EAPP: variants seen among roughly 807,000 people sequenced by gnomAD.
The protein encoded by EAPP is E2F-associated phosphoprotein.
A neutral mutation model predicts 34.3 loss-of-function variants in EAPP; 38 were observed. The observed-to-expected ratio is 1.11, with a 90% confidence interval of 0.85 to 1.45. The LOEUF (loss-of-function observed/expected upper bound fraction) is 1.45, where lower values mean the gene tolerates loss of function less well. Ranked by LOEUF, EAPP falls within the 40% of genes most tolerant of loss-of-function variation. The pLI is 0.00. For synonymous variants in EAPP, 113 were observed against 117.6 expected, an observed-to-expected ratio of 0.96 and a Z score of 0.25; for missense variants, 338 against 343.7, an observed-to-expected ratio of 0.98 and a Z score of 0.13.
Position 34,516,023 on chromosome 14 carries a change from C to A in EAPP, c.*287G>T, listed in dbSNP as rs1879707188. 6.6e-6 allele frequency: 2 copies of A among 302,544 alleles called. No homozygotes were observed. Among genetic ancestry groups the A allele is most frequent in the Non-Finnish European group, 6.1e-6 (1 of 164,864 alleles). The allele number at this position is 302,544 out of a possible 1,614,324, so 18.7% of individuals were successfully genotyped here. ...CAGAAACAAAGATTGCTTATAATTC[C>A]AGAACATTTTAATTCTACAGAGCTT... On this transcript the variant is annotated 3_prime_UTR_variant, in exon 6 of 6. Transcript: ENST00000250454.
intron 1 of EAPP, 161 bp downstream of exon 1, chr14:34,539,394 C>T: frequency 2.6e-6 from 2 of 778,532 alleles, no homozygotes; most frequent in Non-Finnish European, 4.4e-6. Flanking sequence ...CGGGACTGCG[C>T]GACCCCATCA....
chr14:34,516,577 T>A lies in EAPP; in HGVS notation c.591A>T (p.Ser197=), dbSNP rs762573321. 9 of 1,611,520 alleles carry A rather than the reference T, an allele frequency of 5.6e-6. No individual in the cohort carries two copies. Among genetic ancestry groups the A allele is most frequent in the Admixed American group, 1.7e-5 (1 of 59,486 alleles). ...TLCLDCQRHE[S]YKTQYRAMFV... is the part of the protein sequence containing the mutation. ...ACATTGCTCTATATTGAGTTTTGTATGATTCATGCCTAAGAGAAAAATGAA... is the reference window on the plus strand; with the variant it reads ...ACATTGCTCTATATTGAGTTTTGTAAGATTCATGCCTAAGAGAAAAATGAA... The change falls in exon 6 of 6, where the codon TCA becomes TCT. Residue 197 remains serine, a synonymous_variant. Coordinates refer to ENST00000250454, the MANE Select transcript of EAPP (RefSeq NM_018453.4).
At chr14:34,516,656 T>C in intron 5 of EAPP, 70 bp from the exon 6 acceptor site, 1 of 1,475,116 alleles carries the variant, frequency 6.8e-7, no homozygotes, top group Non-Finnish European at 9.1e-7. Flanking sequence ...TTAGATAAAA[T>C]TTGAGAATAC....
At chr14:34,520,950 G>C (rs151326167) in intron 5 of EAPP, among the ~76,000 whole-genome samples, 13 of 152,146 alleles carry the variant, frequency 8.5e-5, no homozygotes, top group South Asian at 2.1e-4. Flanking sequence ...ATAACCTTTG[G>C]ACAGTTTTAC....
intron 5 of EAPP, among the ~76,000 whole-genome samples, chr14:34,523,755 G>A (rs1566446266): frequency 6.6e-6 from 1 of 151,832 alleles, no homozygotes; most frequent in Non-Finnish European, 1.5e-5. Context: ...TGTTGCCTAG[G>A]CTGGTCTCAA....
rs1353986308 is a variant in EAPP, at chr14:34,516,137, A to G, written c.*173T>C. ...TAAGGGGGAAAATCAAAGAAAAAAA[A>G]AAGGAGAGGGTGAGAGATGTAAGAG... On this transcript the variant is annotated 3_prime_UTR_variant, in exon 6 of 6. Coordinates refer to ENST00000250454, the MANE Select transcript of EAPP (RefSeq NM_018453.4). 1 of 557,818 alleles carries G rather than the reference A, an allele frequency of 1.8e-6. No homozygotes were observed. Among genetic ancestry groups the G allele is most frequent in the African/African-American group, 1.9e-5 (1 of 52,676 alleles). 34.6% of individuals were successfully genotyped at this position (557,818 alleles called of 1,614,324 possible). A position where few individuals can be genotyped will look rare whatever the true frequency, so the allele number is the denominator to read the frequency against.
In EAPP at chr14:34,516,218, T is replaced by C; in HGVS notation, c.*92A>G. The C allele has an allele frequency of 1.7e-6, 2 of 1,209,698 alleles. No individual in the cohort carries two copies. The highest frequency in any genetic ancestry group is 2.4e-5 in the East Asian group (1 of 42,350). The allele number at this position is 1,209,698 out of a possible 1,614,324, so 74.9% of individuals were successfully genotyped here. A position where few individuals can be genotyped will look rare whatever the true frequency, so the allele number is the denominator to read the frequency against. ...AAAAAGAGAAACACTGCTTCCTCAATGTCACTGAAGGATATGAACAGGCAA... is the reference window on the plus strand; with the variant it reads ...AAAAAGAGAAACACTGCTTCCTCAACGTCACTGAAGGATATGAACAGGCAA... On this transcript the variant is annotated 3_prime_UTR_variant, in exon 6 of 6. Coordinates refer to ENST00000250454, the MANE Select transcript of EAPP (RefSeq NM_018453.4).
intron 3 of EAPP, 69 bp from the exon 4 acceptor site, chr14:34,529,544 T>TGAA: frequency 8.9e-7 from 1 of 1,120,400 alleles, no homozygotes; most frequent in Non-Finnish European, 1.3e-6. Flanking sequence ...AAATGAAGAG[T>TGAA]CTCATTTCCC....
In EAPP at chr14:34,524,734, G is replaced by A. The variant is rs752378509; in HGVS notation, c.544C>T (p.Pro182Ser). 1 of 1,612,702 alleles carries A rather than the reference G, an allele frequency of 6.2e-7. No homozygotes were observed. Among genetic ancestry groups the A allele is most frequent in the Admixed American group, 1.7e-5 (1 of 59,776 alleles). Residue 182 changes from proline (P) to serine (S), a missense_variant, in exon 5 of 6, where the codon CCT becomes TCT. Pro to Ser is a moderately conservative substitution (Grantham distance 74, BLOSUM62 -1). Transcript: ENST00000250454. ...VPNSDAVLNCPACMTTLCLDC... is the reference protein window; with the variant it reads ...VPNSDAVLNCSACMTTLCLDC... ...AGGCAAAGTGTGGTCATGCAGGCAGGACAATTCAAGACAGCATCACTATTT... is the reference window on the plus strand; with the variant it reads ...AGGCAAAGTGTGGTCATGCAGGCAGAACAATTCAAGACAGCATCACTATTT...
In EAPP at chr14:34,516,334, GA is replaced by G; in HGVS notation, c.833del (p.Phe278SerfsTer4). The G allele has an allele frequency of 6.2e-7, 1 of 1,612,462 alleles. No individual in the cohort carries two copies. The highest frequency in any genetic ancestry group is 8.5e-7 in the Non-Finnish European group (1 of 1,179,058). On this transcript the variant is annotated frameshift_variant, in exon 6 of 6. Transcript: ENST00000250454. LOFTEE classifies it high-confidence loss of function. ...TTTAGGAATGGCTTGCTAAAACATT[GA>G]AAAAATGAAAGACTTCATCCTTGTC... Reference protein sequence around the residue: ...VYDKDEVFHFFNVLASHS With the variant: ...VYDKDEVFHFXNVLASHS
chr14:34,524,710 G>A lies in EAPP; in HGVS notation c.568C>T (p.Leu190Phe), dbSNP rs370105965. 2.6e-6 allele frequency: 4 copies of A among 1,564,812 alleles called. No homozygotes were observed. Among genetic ancestry groups the A allele is most frequent in the Middle Eastern group, 1.7e-4 (1 of 5,872 alleles). The change falls in exon 5 of 6, where the codon CTT becomes TTT. Residue 190 changes from leucine to phenylalanine, a missense_variant. Coordinates refer to ENST00000250454, the MANE Select transcript of EAPP (RefSeq NM_018453.4). ...TTCATCCATTACCTTTGGCAATCAA[G>A]GCAAAGTGTGGTCATGCAGGCAGGA... ...NCPACMTTLC[L>F]DCQRHESYKT...
intron 5 of EAPP, among the ~76,000 whole-genome samples, chr14:34,517,928 C>G (rs1046736743): frequency 3.3e-5 from 5 of 151,936 alleles, no homozygotes; most frequent in Admixed American, 2.6e-4. Flanking sequence ...GTGTACGCCA[C>G]CACACTTGGC....
intron 5 of EAPP, among the ~76,000 whole-genome samples, chr14:34,520,364 C>CA (rs1774954350): frequency 6.6e-6 from 1 of 151,562 alleles, no homozygotes; most frequent in Non-Finnish European, 1.5e-5. Flanking sequence ...CACGCGCCAA[C>CA]ACGCCCAGCT....
chr14:34,528,951 A>G (rs1446035030), intron 4 of EAPP, among the ~76,000 whole-genome samples: 1 of 151,898 alleles, frequency 6.6e-6, no homozygotes, highest in African/African-American at 2.4e-5. Context: ...CCTGGCCAAC[A>G]TGGTGAAACC....
chr14:34,523,027 G>C (rs1227393380), intron 5 of EAPP, among the ~76,000 whole-genome samples: 1 of 152,126 alleles, frequency 6.6e-6, no homozygotes, highest in East Asian at 1.9e-4. Context: ...AGATTGTGGA[G>C]AAGGATAAGC....
intron 4 of EAPP, among the ~76,000 whole-genome samples, chr14:34,525,398 A>G (rs1880062007): frequency 6.6e-6 from 1 of 152,208 alleles, no homozygotes; most frequent in African/African-American, 2.4e-5. Context: ...TCAGGTTGGT[A>G]GTATGTACTC....
chr14:34,534,840 ATTT>A (rs373663033), intron 2 of EAPP, among the ~76,000 whole-genome samples: 11 of 141,012 alleles, frequency 7.8e-5, no homozygotes, highest in Non-Finnish European at 1.2e-4. Flanking sequence ...GTCTCCACAA[ATTT>A]TTTTTTTTTT....
chr14:34,536,894 T>G (rs1268682125), intron 1 of EAPP, among the ~76,000 whole-genome samples: 2 of 152,118 alleles, frequency 1.3e-5, no homozygotes, highest in Admixed American at 6.6e-5. Context: ...TAGATAGATA[T>G]ATAGATAGAT....
At position 34,526,205 on chromosome 14, in the gene EAPP, T is replaced by C. The variant is rs1243861943; in HGVS notation, c.471-1398A>G. The stretch of plus-strand genomic sequence containing the variant: ...CAGCACTTTGGGAGGCTGAGGTGGG[T>C]GGATCACAAGGTCAGGAGTTCAAGA... On this transcript the variant is annotated intron_variant, in intron 4 of 5. Coordinates refer to ENST00000250454, the MANE Select transcript of EAPP (RefSeq NM_018453.4). 2.0e-5 allele frequency among the ~76,000 whole-genome samples: 3 copies of C among 147,868 alleles called. No homozygotes were observed. In the East Asian group the frequency reaches 6.2e-4, roughly 30 times the overall value.
Sources: gnomAD v4.1 joint callset for allele counts (sites outside exome capture counted in the v4.1 genomes callset) on GRCh38, gnomAD v4.1.1 for gene constraint, MANE v1.5 for transcripts, NCBI Gene and HGNC (gene_info 2026-07-23, HGNC 2026-07-21) for gene names.